RHBDF1: variants seen among roughly 807,000 people sequenced by gnomAD.
RHBDF1 encodes rhomboid 5 homolog 1.
In RHBDF1, 80 loss-of-function variants were observed where a neutral mutation model predicts 98.6. That is an observed-to-expected ratio of 0.81 (90% CI 0.68 to 0.98). The LOEUF is 0.98. Among genes scored for constraint, RHBDF1 ranks in the 50% least tolerant of loss-of-function variants. The probability of loss-of-function intolerance (pLI) is 0.00; values close to 1 mark genes in which losing one functional copy is unlikely to be tolerated. For missense variants in RHBDF1, 1,116 were observed against 1,198.3 expected, an observed-to-expected ratio of 0.93 and a Z score of 1.01; for synonymous variants, 512 against 486.8, an observed-to-expected ratio of 1.05 and a Z score of -0.68.
In RHBDF1 at chr16:61,878, C is replaced by A; in HGVS notation, c.1128G>T (p.Val376=). 1.2e-6 allele frequency: 2 copies of A among 1,609,414 alleles called. No individual in the cohort carries two copies. The highest frequency in any genetic ancestry group is 1.1e-5 in the South Asian group (1 of 91,060). Residue 376 remains valine (V), a synonymous_variant, in exon 8 of 18, where the codon GTG becomes GTT. Transcript: ENST00000262316. ...GGTAGGTGCGGTTGGTGAGCCGTCC[C>A]ACCATGCCCAGCCCATACGGCCGCT... ...REKRPYGLGM[V]GRLTNRTYRK...
chr16:64,443 A>C, intron 3 of RHBDF1: 1 of 1,467,410 alleles, frequency 6.8e-7, no homozygotes. Context: ...GTCGGCTGCT[A>C]AGAGGCAAGA....
At chr16:66,630 C>T (rs923747087) in intron 1 of RHBDF1, among the ~76,000 whole-genome samples, 5 of 152,184 alleles carry the variant, frequency 3.3e-5, no homozygotes, top group South Asian at 2.1e-4. Flanking sequence ...CCACCCCTCA[C>T]GCTCCAGCCC....
At chr16:72,157 G>C (rs1897988086) in intron 1 of RHBDF1, among the ~76,000 whole-genome samples, 1 of 152,328 alleles carries the variant, frequency 6.6e-6, no homozygotes, top group Admixed American at 6.5e-5. Flanking sequence ...CCGGACTCTA[G>C]ACTCCCGCTC....
At chr16:60,942 G>A (rs1897587371) in intron 11 of RHBDF1, 178 bp downstream of exon 11, 1 of 657,064 alleles carries the variant, frequency 1.5e-6, no homozygotes, top group Non-Finnish European at 2.5e-6. Flanking sequence ...TACGGGGCGA[G>A]GAGCTGGAGA....
Position 62,540 on chromosome 16 carries a change from C to T in RHBDF1, c.951G>A (p.Met317Ile). ...TCTTCCCTGCCTGCCGCACTCACAGCATCAGGTGGCTGCGCTCAAGCTCGC... is the reference window on the plus strand; with the variant it reads ...TCTTCCCTGCCTGCCGCACTCACAGTATCAGGTGGCTGCGCTCAAGCTCGC... The part of the protein sequence containing the change: ...DRSELERSHL[M>I]LPLERGWRKQ... Residue 317 changes from methionine (M) to isoleucine (I), a missense_variant and splice_region_variant, in exon 7 of 18, where the codon ATG (methionine) becomes ATA (isoleucine). Coordinates refer to ENST00000262316, the MANE Select transcript of RHBDF1 (RefSeq NM_022450.5). 6.2e-7 allele frequency: 1 copy of T among 1,612,354 alleles called. No individual in the cohort carries two copies. The highest frequency in any genetic ancestry group is 8.5e-7 in the Non-Finnish European group (1 of 1,179,900).
chr16:58,642 G>C lies in RHBDF1; in HGVS notation c.2266C>G (p.Leu756Val). The C allele has an allele frequency of 6.2e-7, 1 of 1,613,478 alleles. No individual in the cohort carries two copies. Among genetic ancestry groups the C allele is most frequent in the South Asian group, 1.1e-5 (1 of 91,090 alleles). Reference sequence around the variant, plus strand: ...AGCAGCCCAAAGGTGAAGAGGAAGAGCACCACAGCCAGCAGCTTGAAGAAG... The same window carrying C: ...AGCAGCCCAAAGGTGAAGAGGAAGACCACCACAGCCAGCAGCTTGAAGAAG... Reference protein sequence around the residue: ...RAFFKLLAVVLFLFTFGLLPW... With the variant: ...RAFFKLLAVVVFLFTFGLLPW... The change falls in exon 18 of 18, where the codon CTC becomes GTC. Residue 756 changes from leucine to valine, a missense_variant. Transcript: ENST00000262316.
intron 9 of RHBDF1, 41 bp from the exon 10 acceptor site, chr16:61,500 G>A (rs1344879642): frequency 7.4e-6 from 12 of 1,611,894 alleles, no homozygotes; most frequent in African/African-American, 2.7e-5. Context: ...CCCCGACTCT[G>A]GCCCTCTCCT....
chr16:58,628 G>T lies in RHBDF1; in HGVS notation c.2280C>A (p.Thr760=). 6.2e-7 allele frequency: 1 copy of T among 1,613,644 alleles called. No individual in the cohort carries two copies. Among genetic ancestry groups the T allele is most frequent in the South Asian group, 1.1e-5 (1 of 91,084 alleles). ...KLLAVVLFLF[T]FGLLPWIDNF... is the part of the protein sequence containing the mutation. Reference sequence around the variant, plus strand: ...TGTCAATCCACGGCAGCAGCCCAAAGGTGAAGAGGAAGAGCACCACAGCCA... The same window carrying T: ...TGTCAATCCACGGCAGCAGCCCAAATGTGAAGAGGAAGAGCACCACAGCCA... Residue 760 remains threonine, a synonymous_variant, in exon 18 of 18, where the codon ACC becomes ACA. Coordinates refer to ENST00000262316, the MANE Select transcript of RHBDF1 (RefSeq NM_022450.5).
upstream of RHBDF1, among the ~76,000 whole-genome samples, chr16:73,025 C>G (rs1485384515): frequency 6.6e-6 from 1 of 152,166 alleles, no homozygotes; most frequent in Admixed American, 6.5e-5. Flanking sequence ...CAGAGGCCCA[C>G]GCTGACAAGT....
At chr16:63,848 G>T (rs1418670070) in intron 3 of RHBDF1, 48 bp from the exon 4 acceptor site, 1 of 1,538,986 alleles carries the variant, frequency 6.5e-7, no homozygotes, top group African/African-American at 1.4e-5. Context: ...GCCCCTCCCA[G>T]GCAGGGGACT....
In RHBDF1 at chr16:64,234, G is replaced by C; in HGVS notation, c.249-434C>G. 3 of 1,330,948 alleles carry C rather than the reference G, an allele frequency of 2.3e-6. No homozygotes were observed. In the South Asian group the frequency reaches 3.7e-5, roughly 16 times the overall value. 82.4% of individuals were successfully genotyped at this position (1,330,948 alleles called of 1,614,324 possible). Reference sequence around the variant, plus strand: ...AAACACTGCCAGCACCTGCCGTTAGGAGCCCCAGGGAATGCCAACCACACT... The same window carrying C: ...AAACACTGCCAGCACCTGCCGTTAGCAGCCCCAGGGAATGCCAACCACACT... On this transcript the variant is annotated intron_variant, in intron 3 of 17. Coordinates refer to ENST00000262316, the MANE Select transcript of RHBDF1 (RefSeq NM_022450.5).
chr16:59,571 G>C (rs149977945), intron 14 of RHBDF1, 77 bp from the exon 15 acceptor site: 2 of 1,505,798 alleles, frequency 1.3e-6, no homozygotes, highest in African/African-American at 1.4e-5. Context: ...AGTTTCAGCC[G>C]CACCTACCCA....
upstream of RHBDF1, among the ~76,000 whole-genome samples, chr16:75,818 G>C (rs1898076387): frequency 6.6e-6 from 1 of 152,164 alleles, no homozygotes; most frequent in Non-Finnish European, 1.5e-5. Context: ...CCAGCTCAAA[G>C]CTGTGTAGAG....
At position 59,269 on chromosome 16, in the gene RHBDF1, T is replaced by C; in HGVS notation, c.1974A>G (p.Leu658=). 1 of 1,607,362 alleles carries C rather than the reference T, an allele frequency of 6.2e-7. No individual in the cohort carries two copies. The highest frequency in any genetic ancestry group is 2.2e-5 in the East Asian group (1 of 44,796). ...CTTGCCCGGCGTGCAGGAAGAGGGA[T>C]AGCCACAGGCGGTAGAACTGGTCAG... ...EVPDQFYRLW[L]SLFLHAGILH... is the part of the protein sequence containing the mutation. Residue 658 remains leucine (L), a synonymous_variant, in exon 16 of 18, where the codon CTA becomes CTG. Coordinates refer to ENST00000262316, the MANE Select transcript of RHBDF1 (RefSeq NM_022450.5).
intron 10 of RHBDF1, 38 bp from the exon 11 acceptor site, chr16:61,319 C>T (rs1223786082): frequency 3.9e-6 from 6 of 1,543,000 alleles, no homozygotes; most frequent in African/African-American, 2.7e-5. Flanking sequence ...AGTCCGGGGC[C>T]TCCTGCCCCC....
At chr16:76,036 G>T (rs1458960779), upstream of RHBDF1, among the ~76,000 whole-genome samples, 1 of 152,184 alleles carries the variant, frequency 6.6e-6, no homozygotes, top group Non-Finnish European at 1.5e-5. Flanking sequence ...ACAGCTGGAG[G>T]CAGCTCCAGC....
chr16:60,139 T>C, intron 13 of RHBDF1, 77 bp downstream of exon 13: 1 of 1,607,190 alleles, frequency 6.2e-7, no homozygotes, highest in South Asian at 1.1e-5. Flanking sequence ...ATCTCTGGTA[T>C]CACCAGTGGG....
rs148307966 is a variant in RHBDF1, at chr16:62,648, G to T, written c.843C>A (p.Phe281Leu). ...TTAGCGCTGCCTCCGATGGGGACTC[G>T]AAAACTTCATCCGGGTATGTGGACA... ...EELSTYPDEV[F>L]ESPSEAALKD... is the part of the protein sequence containing the mutation. The change falls in exon 7 of 18, where the codon TTC becomes TTA. Residue 281 changes from phenylalanine (F) to leucine (L), a missense_variant. Coordinates refer to ENST00000262316, the MANE Select transcript of RHBDF1 (RefSeq NM_022450.5). 1 of 1,614,102 alleles carries T rather than the reference G, an allele frequency of 6.2e-7. No individual in the cohort carries two copies.
chr16:65,952 G>C (rs377080199), intron 1 of RHBDF1, among the ~76,000 whole-genome samples: 4 of 152,248 alleles, frequency 2.6e-5, no homozygotes, highest in Non-Finnish European at 5.9e-5. Context: ...ACGGGGCCAG[G>C]GCCCCACGGA....
Sources: gnomAD v4.1 joint callset for allele counts (sites outside exome capture counted in the v4.1 genomes callset) on GRCh38, gnomAD v4.1.1 for gene constraint, MANE v1.5 for transcripts, NCBI Gene and HGNC (gene_info 2026-07-23, HGNC 2026-07-21) for gene names.